Variants in VPS26A observed in about 807,000 individuals in gnomAD.
VPS26A encodes the protein VPS26 retromer complex component A.
A neutral mutation model predicts 42.4 loss-of-function variants in VPS26A; 22 were observed. The observed-to-expected ratio is 0.52, with a 90% CI of 0.37 to 0.74. The LOEUF is 0.74. Ranked by LOEUF, VPS26A falls within the 30% of genes least tolerant of loss-of-function variation. The pLI is 0.00. For synonymous variants in VPS26A, 110 were observed against 123.5 expected, an observed-to-expected ratio of 0.89 and a Z score of 0.73; for missense variants, 276 against 379.2, an observed-to-expected ratio of 0.73 and a Z score of 2.26.
intron 2 of VPS26A, among the ~76,000 whole-genome samples, chr10:69,134,407 T>G (rs1840858942): frequency 6.6e-6 from 1 of 152,208 alleles, no homozygotes; most frequent in Non-Finnish European, 1.5e-5. Context: ...GATTATTTCC[T>G]TAGAATAGAT....
chr10:69,140,248 A>G (rs79527879), intron 2 of VPS26A, among the ~76,000 whole-genome samples: 53 of 151,964 alleles, frequency 3.5e-4, no homozygotes, highest in African/African-American at 1.3e-3. Flanking sequence ...AAAAATATAT[A>G]TTTTTTGTAG....
chr10:69,163,613 A>G (rs964299525), intron 6 of VPS26A, among the ~76,000 whole-genome samples: 2 of 152,110 alleles, frequency 1.3e-5, no homozygotes, highest in African/African-American at 4.8e-5. Flanking sequence ...GATTTTTCTT[A>G]TGGATTCTTT....
At position 69,163,368 on chromosome 10, in the gene VPS26A, C is replaced by T. The variant is rs149193412; in HGVS notation, c.658+856C>T. ...CTCCTGGGCTCAAGCTATCCTCCCA[C>T]CTCTGCCTCCCAAAGTGTTATGATT... On this transcript the variant is annotated intron_variant, in intron 6 of 8. Coordinates refer to ENST00000263559, the MANE Select transcript of VPS26A (RefSeq NM_004896.5). Among the ~76,000 whole-genome samples the T allele has an allele frequency of 3.2e-3, 495 of 152,324 alleles. 1 individual carries two copies. Among genetic ancestry groups the T allele is most frequent in the African/African-American group, 0.011 (442 of 41,560 alleles).
At chr10:69,166,444 T>C (rs1841689102) in intron 7 of VPS26A, among the ~76,000 whole-genome samples, 1 of 152,180 alleles carries the variant, frequency 6.6e-6, no homozygotes, top group Non-Finnish European at 1.5e-5. Flanking sequence ...CAAAATGGAG[T>C]ATGGCTGAGC....
rs551016875 is a variant in VPS26A at position 69,173,369 on chromosome 10, GTCATC to G, written c.*2104_*2108del. On this transcript the variant is annotated 3_prime_UTR_variant, in exon 9 of 9. Coordinates refer to ENST00000263559, the MANE Select transcript of VPS26A (RefSeq NM_004896.5). The stretch of plus-strand genomic sequence containing the variant: ...ACAAAACAACCTCAAAAAAATACCT[GTCATC>G]TCAGCCACTTCAGGAGTCTGAGGCG... Among the ~76,000 whole-genome samples the G allele has an allele frequency of 4.6e-5, 7 of 152,240 alleles. No individual in the cohort carries two copies. Among genetic ancestry groups the G allele is most frequent in the African/African-American group, 1.7e-4 (7 of 41,534 alleles).
Position 69,154,015 on chromosome 10 carries a change from T to C in VPS26A, c.154-1797T>C, listed in dbSNP as rs185572888. 3.5e-3 allele frequency among the ~76,000 whole-genome samples: 538 copies of C among 152,278 alleles called. 2 individuals carry two copies. Among genetic ancestry groups the C allele is most frequent in the African/African-American group, 0.013 (521 of 41,570 alleles). ...AACACATGCAGAGAAACACCCATCA[T>C]AGGAGCAGGCTGGCTTCAAGTCTAG... On this transcript the variant is annotated intron_variant, in intron 2 of 8. Transcript: ENST00000263559.
Position 69,171,370 on chromosome 10 carries a change from C to T in VPS26A, c.*101C>T, listed in dbSNP as rs1841811567. ...TGCAGCTGGAGGGGGCGGAAAAAGGCCAAAACTCCATATATGTTAGTCTTC... is the reference window on the plus strand; with the variant it reads ...TGCAGCTGGAGGGGGCGGAAAAAGGTCAAAACTCCATATATGTTAGTCTTC... On this transcript the variant is annotated 3_prime_UTR_variant, in exon 9 of 9. Transcript: ENST00000263559. The T allele has an allele frequency of 1.1e-6, 1 of 877,880 alleles. No homozygotes were observed. Among genetic ancestry groups the T allele is most frequent in the Non-Finnish European group, 1.8e-6 (1 of 553,786 alleles). 54.4% of individuals were successfully genotyped at this position (877,880 alleles called of 1,614,324 possible).
At chr10:69,159,980 T>G (rs1247162851) in intron 5 of VPS26A, among the ~76,000 whole-genome samples, 1 of 152,178 alleles carries the variant, frequency 6.6e-6, no homozygotes, top group African/African-American at 2.4e-5. Context: ...TGTTACATTA[T>G]TTTTATTGGT....
In VPS26A at chr10:69,157,176, A is replaced by G. The variant is rs376983422; in HGVS notation, c.386+13A>G. ...ATGTCCGCTTGAGGTATGAATGTGT[A>G]TTATAAACTGTAAACAGAATCAAAA... On this transcript the variant is annotated intron_variant, in intron 4 of 8. Transcript: ENST00000263559. 488 of 1,601,924 alleles carry G rather than the reference A, an allele frequency of 3.0e-4. No individual in the cohort carries two copies. Among genetic ancestry groups the G allele is most frequent in the Non-Finnish European group, 4.0e-4 (472 of 1,174,534 alleles).
At chr10:69,127,510 G>A (rs1840684731) in intron 1 of VPS26A, among the ~76,000 whole-genome samples, 2 of 149,762 alleles carry the variant, frequency 1.3e-5, no homozygotes, top group South Asian at 2.1e-4. Context: ...CCGAGCTAGC[G>A]CCACTGCACT....
intron 2 of VPS26A, among the ~76,000 whole-genome samples, chr10:69,145,186 G>C (rs949921699): frequency 2.9e-5 from 3 of 102,652 alleles, no homozygotes; most frequent in South Asian, 3.7e-4. Context: ...AGGCACCCAC[G>C]ACCACACCTG....
chr10:69,139,159 T>TA (rs1266927793), intron 2 of VPS26A, among the ~76,000 whole-genome samples: 6 of 152,342 alleles, frequency 3.9e-5, no homozygotes, highest in African/African-American at 1.4e-4. Context: ...TAGAGTCTAA[T>TA]AGATTCCTCA....
chr10:69,130,631 G>C (rs749430253), intron 1 of VPS26A, among the ~76,000 whole-genome samples: 6 of 151,578 alleles, frequency 4.0e-5, no homozygotes, highest in Middle Eastern at 3.4e-3. Flanking sequence ...AAATACCTCT[G>C]TATCAAATGC....
Position 69,171,431 on chromosome 10 carries a change from A to G in VPS26A, c.*162A>G. On this transcript the variant is annotated 3_prime_UTR_variant, in exon 9 of 9. Coordinates refer to ENST00000263559, the MANE Select transcript of VPS26A (RefSeq NM_004896.5). ...CAGCGCAGCATTTATTTTATGATAT[A>G]ATGAAATGTTCGTTCATGTATATAC... is the stretch of plus-strand genomic sequence containing the variant. The G allele has an allele frequency of 1.8e-6, 1 of 560,340 alleles. No homozygotes were observed. The highest frequency in any genetic ancestry group is 3.3e-5 in the East Asian group (1 of 30,300). The allele number at this position is 560,340 out of a possible 1,614,324, so 34.7% of individuals were successfully genotyped here. A position where few individuals can be genotyped will look rare whatever the true frequency, so the allele number is the denominator to read the frequency against.
intron 6 of VPS26A, among the ~76,000 whole-genome samples, 191 bp downstream of exon 6, chr10:69,162,703 A>G (rs974031762): frequency 7.2e-5 from 11 of 152,226 alleles, no homozygotes; most frequent in Admixed American, 7.2e-4. Flanking sequence ...TTTTTATAAA[A>G]AATTAATTTT....
At chr10:69,132,865 A>G (rs564031611) in intron 1 of VPS26A, 33 bp from the exon 2 acceptor site, 10 of 1,558,814 alleles carry the variant, frequency 6.4e-6, no homozygotes, top group Non-Finnish European at 8.6e-6. Flanking sequence ...CTGACTAAAC[A>G]TGATAATTAT....
Position 69,124,201 on chromosome 10 carries a change from A to C in VPS26A, c.-77A>C, listed in dbSNP as rs577645200. 1.1e-3 allele frequency: 1,381 copies of C among 1,261,642 alleles called. 3 individuals carry two copies. Among genetic ancestry groups the C allele is most frequent in the Middle Eastern group, 1.3e-3 (5 of 3,924 alleles). 78.2% of individuals were successfully genotyped at this position (1,261,642 alleles called of 1,614,324 possible). On this transcript the variant is annotated 5_prime_UTR_variant, in exon 1 of 9. Transcript: ENST00000263559. ...CCGAGGTCACGTGACGGAGCGCCGG[A>C]GCGGAGGGAGCCGGGGCTGGGAGTT...
At chr10:69,130,043 A>G (rs1337718614) in intron 1 of VPS26A, among the ~76,000 whole-genome samples, 1 of 152,240 alleles carries the variant, frequency 6.6e-6, no homozygotes, top group Non-Finnish European at 1.5e-5. Context: ...TATAAATTCC[A>G]TTGATATAGT....
At chr10:69,149,727 GTTTTTTGTTTTTTTTTTTTTTTT>G (rs1841251447) in intron 2 of VPS26A, among the ~76,000 whole-genome samples, 2 of 93,964 alleles carry the variant, frequency 2.1e-5, no homozygotes, top group Non-Finnish European at 4.0e-5. Context: ...CTTTCTTGGT[GTTTTTTGTTTTTTTTTTTTTTTT>G]TTTTTTTTTT....
Sources: gnomAD v4.1 joint callset for allele counts (sites outside exome capture counted in the v4.1 genomes callset) on GRCh38, gnomAD v4.1.1 for gene constraint, MANE v1.5 for transcripts, NCBI Gene and HGNC (gene_info 2026-07-23, HGNC 2026-07-21) for gene names.